The following DLG2 variants were observed in gnomAD, a reference collection of about 807,000 sequenced individuals.
DLG2 encodes discs large MAGUK scaffold protein 2, also known as disks large homolog 2.
DLG2 carries 45 observed loss-of-function variants against 132.5 expected under a neutral mutation model. The observed-to-expected ratio is 0.34, with a 90% confidence interval of 0.27 to 0.44. The LOEUF (loss-of-function observed/expected upper bound fraction) is 0.44. DLG2 is among the 20% of genes least tolerant of loss of function. The pLI, the probability that DLG2 is intolerant of heterozygous loss-of-function variation, is 1.00. For missense variants in DLG2, 1,045 were observed against 1,196.9 expected (o/e 0.87, Z 1.87); for synonymous variants, 424 against 419.6 (o/e 1.01, Z -0.13).
At chr11:84,477,025 C>T (rs146073263) in intron 7 of DLG2, among the ~76,000 whole-genome samples, 104 of 152,016 alleles carry the variant, frequency 6.8e-4, no homozygotes, top group African/African-American at 2.3e-3. Context: ...TTAGACAGAC[C>T]GCAGGAAACA....
At chr11:85,356,456 C>T (rs1295222315) in intron 3 of DLG2, among the ~76,000 whole-genome samples, 1 of 151,740 alleles carries the variant, frequency 6.6e-6, no homozygotes, top group Non-Finnish European at 1.5e-5. Context: ...TCCTAGAGTA[C>T]AAAGAAATAT....
At chr11:85,036,320 A>T (rs2154147006) in intron 6 of DLG2, among the ~76,000 whole-genome samples, 1 of 151,616 alleles carries the variant, frequency 6.6e-6, no homozygotes, top group African/African-American at 2.4e-5. Flanking sequence ...TATTTTCTTT[A>T]TTTGTTTTTT....
chr11:85,264,946 A>T (rs542539892), intron 4 of DLG2, among the ~76,000 whole-genome samples: 11 of 152,242 alleles, frequency 7.2e-5, no homozygotes, highest in Non-Finnish European at 1.3e-4. Flanking sequence ...TCTATGATCC[A>T]GTCTTACCTT....
chr11:85,056,315 A>G (rs78754873), intron 6 of DLG2, among the ~76,000 whole-genome samples: 2,070 of 152,208 alleles, frequency 0.014, 46 homozygotes, highest in African/African-American at 0.046. Context: ...CCAGAAAACT[A>G]TATCTTTGAA....
At chr11:84,092,086 A>C (rs1340113972) in intron 10 of DLG2, among the ~76,000 whole-genome samples, 2 of 152,246 alleles carry the variant, frequency 1.3e-5, no homozygotes, top group Non-Finnish European at 2.9e-5. Context: ...AATCAAAGTC[A>C]AATGATTAGG....
At chr11:85,561,478 T>C (rs1328751861) in intron 3 of DLG2, among the ~76,000 whole-genome samples, 1 of 150,094 alleles carries the variant, frequency 6.7e-6, no homozygotes, top group East Asian at 2.0e-4. Context: ...ACTATATTCA[T>C]AATTTTTCAA....
chr11:83,504,883 AATTGTG>A (rs2094612463), intron 21 of DLG2, among the ~76,000 whole-genome samples: 1 of 152,194 alleles, frequency 6.6e-6, no homozygotes, highest in Admixed American at 6.5e-5. Flanking sequence ...TTGGAGTTGT[AATTGTG>A]ACTTACAAAG....
At chr11:85,425,872 G>T (rs1027549456) in intron 3 of DLG2, among the ~76,000 whole-genome samples, 1 of 152,186 alleles carries the variant, frequency 6.6e-6, no homozygotes, top group African/African-American at 2.4e-5. Context: ...AGGGGTCAGG[G>T]AATTCCCTTT....
intron 4 of DLG2, among the ~76,000 whole-genome samples, chr11:85,195,413 TGAG>T (rs2080954304): frequency 6.6e-6 from 1 of 151,958 alleles, no homozygotes; most frequent in African/African-American, 2.4e-5. Context: ...ATCAAAGGTC[TGAG>T]GAGAAGAAAA....
At chr11:85,195,526 T>G (rs928526506) in intron 4 of DLG2, among the ~76,000 whole-genome samples, 61 of 126,694 alleles carry the variant, frequency 4.8e-4, no homozygotes, top group African/African-American at 2.0e-3. Flanking sequence ...TGACAGTGTT[T>G]TTTTTTTTTT....
chr11:83,644,726 G>T (rs1000205452), intron 18 of DLG2, among the ~76,000 whole-genome samples: 3 of 151,990 alleles, frequency 2.0e-5, no homozygotes, highest in Non-Finnish European at 4.4e-5. Context: ...ACTCAGAAAA[G>T]AAATTTCTTT....
intron 6 of DLG2, among the ~76,000 whole-genome samples, chr11:84,859,375 CAT>C (rs1408060840): frequency 2.1e-5 from 3 of 142,810 alleles, no homozygotes; most frequent in South Asian, 2.2e-4. Flanking sequence ...TATATATACA[CAT>C]ATATATGCAT....
At chr11:83,628,755 C>T (rs955306619) in intron 19 of DLG2, among the ~76,000 whole-genome samples, 5 of 152,128 alleles carry the variant, frequency 3.3e-5, no homozygotes, top group Non-Finnish European at 5.9e-5. Context: ...AGTAAAGACA[C>T]TCTCTTTTGT....
At chr11:85,344,282 G>C (rs2082687488) in intron 3 of DLG2, among the ~76,000 whole-genome samples, 1 of 152,134 alleles carries the variant, frequency 6.6e-6, no homozygotes, top group Admixed American at 6.6e-5. Flanking sequence ...CCAGTTCTTA[G>C]CTCCTGAGCT....
At chr11:84,084,266 C>T (rs565567930) in intron 10 of DLG2, among the ~76,000 whole-genome samples, 5 of 152,274 alleles carry the variant, frequency 3.3e-5, no homozygotes, top group South Asian at 4.1e-4. Context: ...GGACTGCTGT[C>T]GCTGTGCTGG....
At chr11:85,600,760 A>G (rs57296431) in intron 2 of DLG2, among the ~76,000 whole-genome samples, 41,499 of 152,180 alleles carry the variant, frequency 0.27, 6,305 homozygotes, top group African/African-American at 0.38. Context: ...TTATTTGTTT[A>G]CTGAATCAGA....
intron 7 of DLG2, among the ~76,000 whole-genome samples, chr11:84,349,016 C>T (rs1372241118): frequency 1.3e-5 from 2 of 152,120 alleles, no homozygotes; most frequent in East Asian, 1.9e-4. Flanking sequence ...GCTTAAGCCA[C>T]CAATTTGGGG....
chr11:84,802,260 T>C (rs1035949342), intron 6 of DLG2, among the ~76,000 whole-genome samples: 2 of 151,826 alleles, frequency 1.3e-5, no homozygotes, highest in African/African-American at 4.8e-5. Flanking sequence ...AAATTATGGA[T>C]AGGAAATAGG....
chr11:84,973,356 G>A (rs551275957), intron 6 of DLG2, among the ~76,000 whole-genome samples: 1 of 152,230 alleles, frequency 6.6e-6, no homozygotes, highest in South Asian at 2.1e-4. Context: ...AGTGCAGGAG[G>A]CGTCTGTATT....
Sources: gnomAD v4.1 joint callset for allele counts (sites outside exome capture counted in the v4.1 genomes callset) on GRCh38, gnomAD v4.1.1 for gene constraint, MANE v1.5 for transcripts, NCBI Gene and HGNC (gene_info 2026-07-23, HGNC 2026-07-21) for gene names.